EPM2A: variants seen among roughly 807,000 people sequenced by gnomAD.
EPM2A encodes EPM2A glucan phosphatase, laforin, also known as laforin.
Under a neutral mutation model 26.5 loss-of-function variants are expected in EPM2A, and 21 were observed. The ratio of observed to expected loss-of-function variants is 0.79; its 90% CI spans 0.56 to 1.14. The LOEUF (loss-of-function observed/expected upper bound fraction) is 1.14, where lower values mean the gene tolerates loss of function less well. Ranked by LOEUF, EPM2A falls within the 50% of genes most tolerant of loss-of-function variation. The pLI is 0.00. For missense variants in EPM2A, 458 were observed against 440.8 expected, an observed-to-expected ratio of 1.04 and a Z score of -0.35; for synonymous variants, 217 against 177.6, an observed-to-expected ratio of 1.22 and a Z score of -1.76.
chr6:145,579,402 C>T (rs1035686846), intron 2 of EPM2A, among the ~76,000 whole-genome samples: 1 of 152,156 alleles, frequency 6.6e-6, no homozygotes, highest in African/African-American at 2.4e-5. Context: ...TAAAGATTGG[C>T]ATGTCCTGGA....
At chr6:145,568,247 G>A (rs1780910059) in intron 2 of EPM2A, among the ~76,000 whole-genome samples, 1 of 151,990 alleles carries the variant, frequency 6.6e-6, no homozygotes, top group African/African-American at 2.4e-5. Flanking sequence ...GTGAGAAACT[G>A]AGCCTCAGAG....
At chr6:145,536,328 C>T (rs1180989967) in intron 2 of EPM2A, among the ~76,000 whole-genome samples, 1 of 151,786 alleles carries the variant, frequency 6.6e-6, no homozygotes, top group Non-Finnish European at 1.5e-5. Context: ...TGGAGTCTCA[C>T]TCTGTCACCC....
At chr6:145,543,279 A>T (rs1006662969) in intron 2 of EPM2A, among the ~76,000 whole-genome samples, 9 of 152,178 alleles carry the variant, frequency 5.9e-5, no homozygotes, top group South Asian at 4.1e-4. Context: ...ATAAATTACC[A>T]TCAGTTCAAA....
chr6:145,473,715 G>C lies in EPM2A; in HGVS notation c.555+28807C>G, dbSNP rs552805982. Among the ~76,000 whole-genome samples the C allele has an allele frequency of 2.0e-5, 3 of 152,240 alleles. No individual in the cohort carries two copies. The South Asian group carries it at 6.2e-4, about 32-fold the overall frequency. On this transcript the variant is annotated intron_variant, in intron 4 of 4. Coordinates refer to the EPM2A transcript ENST00000638717. ...TGGAGCTCCAGTACATCAGGCAGTA[G>C]ACTTTTCAGTGGAAACCTTACAGGC...
chr6:145,704,997 G>C (rs772816531), intron 1 of EPM2A, among the ~76,000 whole-genome samples: 1 of 152,188 alleles, frequency 6.6e-6, no homozygotes, highest in African/African-American at 2.4e-5. Context: ...ATTGAAGAAG[G>C]AAGATGGAGT....
intron 2 of EPM2A, among the ~76,000 whole-genome samples, chr6:145,600,702 C>T (rs562960952): frequency 6.6e-6 from 1 of 152,190 alleles, no homozygotes; most frequent in African/African-American, 2.4e-5. Flanking sequence ...GAAGGAGGTG[C>T]TTTCCTCCTG....
intron 2 of EPM2A, among the ~76,000 whole-genome samples, chr6:145,661,377 C>T (rs1211742593): frequency 2.0e-5 from 3 of 152,208 alleles, no homozygotes; most frequent in Admixed American, 2.0e-4. Flanking sequence ...AAAATCATGC[C>T]TCAGCTATTA....
chr6:145,442,106 C>T (rs1280892736), intron 4 of EPM2A, among the ~76,000 whole-genome samples: 1 of 152,122 alleles, frequency 6.6e-6, no homozygotes, highest in African/African-American at 2.4e-5. Flanking sequence ...CTGAGACCAC[C>T]TCAGCCTGGA....
At chr6:145,671,434 T>C (rs1451095105) in intron 2 of EPM2A, 12 of 983,538 alleles carry the variant, frequency 1.2e-5, no homozygotes, top group Non-Finnish European at 2.4e-6. Flanking sequence ...ACTATAGTCA[T>C]TGTGAGTCAA....
intron 1 of EPM2A, among the ~76,000 whole-genome samples, chr6:145,690,901 G>A: frequency 6.6e-6 from 1 of 150,670 alleles, no homozygotes. Context: ...ACAGAGGAAA[G>A]AATTCACAGA....
At chr6:145,435,819 C>G (rs551326587) in intron 4 of EPM2A, among the ~76,000 whole-genome samples, 4 of 152,028 alleles carry the variant, frequency 2.6e-5, no homozygotes, top group Admixed American at 2.6e-4. Flanking sequence ...ATTTTTAGAG[C>G]AGTTTTAGGT....
chr6:145,412,865 C>T (rs1336298535), intron 4 of EPM2A, among the ~76,000 whole-genome samples: 2 of 152,176 alleles, frequency 1.3e-5, no homozygotes, highest in African/African-American at 2.4e-5. Flanking sequence ...TTGTCCATGA[C>T]AGTGGCTAAG....
At chr6:145,449,859 G>GT (rs1040226204) in intron 4 of EPM2A, among the ~76,000 whole-genome samples, 1 of 22,100 alleles carries the variant, frequency 4.5e-5, no homozygotes, top group Non-Finnish European at 1.9e-4. Flanking sequence ...AATAGGAAAT[G>GT]GTTTTTATTA....
intron 4 of EPM2A, among the ~76,000 whole-genome samples, chr6:145,461,990 G>A (rs1232649159): frequency 6.6e-6 from 1 of 152,200 alleles, no homozygotes; most frequent in Non-Finnish European, 1.5e-5. Flanking sequence ...TCAGGAGCCA[G>A]GCTGCTGGAT....
chr6:145,457,500 A>T (rs183157625), intron 4 of EPM2A, among the ~76,000 whole-genome samples: 46 of 151,060 alleles, frequency 3.0e-4, no homozygotes, highest in Non-Finnish European at 5.5e-4. Context: ...AAAAAAAAAG[A>T]AAAAGAAAAA....
intron 2 of EPM2A, chr6:145,671,262 G>T: frequency 9.5e-7 from 1 of 1,049,992 alleles, no homozygotes; most frequent in Non-Finnish European, 1.2e-6. Context: ...TTTATATACT[G>T]GCCATAAAAT....
intron 4 of EPM2A, among the ~76,000 whole-genome samples, chr6:145,441,488 C>T (rs1451311495): frequency 1.3e-5 from 2 of 152,212 alleles, no homozygotes; most frequent in African/African-American, 4.8e-5. Context: ...GCTTGAATTT[C>T]TCCTCAGAAA....
rs565376075 is a variant in EPM2A, at chr6:145,569,848, A to T, written c.340+65397T>A. ...TTATCTAGAGGGAAAGAACTAATGG[A>T]ATATACATATATATATATAAAGGGG... On this transcript the variant is annotated intron_variant, in intron 2 of 3. Transcript: ENST00000450221. Among the ~76,000 whole-genome samples, 91 of 123,034 alleles carry T rather than the reference A, an allele frequency of 7.4e-4. 1 individual carries two copies. Among genetic ancestry groups the T allele is most frequent in the African/African-American group, 3.0e-3 (91 of 29,942 alleles). 80.7% of individuals were successfully genotyped at this position (123,034 alleles called of 152,430 possible).
chr6:145,470,872 A>T (rs1370226187), intron 4 of EPM2A, among the ~76,000 whole-genome samples: 1 of 152,084 alleles, frequency 6.6e-6, no homozygotes, highest in Non-Finnish European at 1.5e-5. Flanking sequence ...ACCACCCCAA[A>T]CTCAATGTCT....
Sources: gnomAD v4.1 joint callset for allele counts (sites outside exome capture counted in the v4.1 genomes callset) on GRCh38, gnomAD v4.1.1 for gene constraint, MANE v1.5 for transcripts, NCBI Gene and HGNC (gene_info 2026-07-23, HGNC 2026-07-21) for gene names.